The following CERT1 variants were observed in gnomAD, a reference collection of about 807,000 sequenced individuals.
CERT1 encodes ceramide transfer protein.
A neutral mutation model predicts 87.9 loss-of-function variants in CERT1; 31 were observed. The ratio of observed to expected loss-of-function variants is 0.35; its 90% CI spans 0.27 to 0.48. The LOEUF (loss-of-function observed/expected upper bound fraction) is 0.48. Ranked by LOEUF, CERT1 falls within the 20% of genes least tolerant of loss-of-function variation. The pLI is 0.99. For synonymous variants in CERT1, 289 were observed against 250.9 expected (o/e 1.15, Z -1.44); for missense variants, 487 against 758.0 (o/e 0.64, Z 4.20).
chr5:75,450,702 C>T (rs962595230), intron 3 of CERT1, among the ~76,000 whole-genome samples: 1 of 152,150 alleles, frequency 6.6e-6, no homozygotes, highest in African/African-American at 2.4e-5. Flanking sequence ...TTAACCCAGC[C>T]ACTTCTTTCT....
At chr5:75,497,289 C>T (rs888233303) in intron 2 of CERT1, among the ~76,000 whole-genome samples, 1 of 152,156 alleles carries the variant, frequency 6.6e-6, no homozygotes, top group African/African-American at 2.4e-5. Context: ...CCAACATAAA[C>T]ATTTCACAAA....
chr5:75,392,249 C>T (rs1184692246), intron 11 of CERT1, among the ~76,000 whole-genome samples: 2 of 152,124 alleles, frequency 1.3e-5, no homozygotes, highest in Non-Finnish European at 2.9e-5. Context: ...ACGAGGGAGG[C>T]CCAGGTTCAA....
chr5:75,445,660 T>A (rs1001588547), intron 3 of CERT1, among the ~76,000 whole-genome samples: 1 of 152,000 alleles, frequency 6.6e-6, no homozygotes, highest in African/African-American at 2.4e-5. Context: ...TTGTCAGACA[T>A]AGGATTGGGT....
At chr5:75,487,516 G>T (rs543048173) in intron 2 of CERT1, among the ~76,000 whole-genome samples, 1 of 151,986 alleles carries the variant, frequency 6.6e-6, no homozygotes, top group East Asian at 1.9e-4. Flanking sequence ...TACAGATAAA[G>T]AAATAATCAA....
intron 8 of CERT1, among the ~76,000 whole-genome samples, chr5:75,406,962 A>C (rs1762730195): frequency 6.6e-6 from 1 of 152,124 alleles, no homozygotes; most frequent in African/African-American, 2.4e-5. Context: ...TCTGATTATA[A>C]CCAAAAAGAG....
At chr5:75,511,715 G>A (rs1290101410), upstream of CERT1, 14 of 1,545,802 alleles carry the variant, frequency 9.1e-6, no homozygotes, top group Non-Finnish European at 1.2e-5. Flanking sequence ...CCCGGCGTCT[G>A]ACGCGACACG....
chr5:75,457,926 GGT>G (rs1234118888), intron 3 of CERT1, among the ~76,000 whole-genome samples: 10 of 146,112 alleles, frequency 6.8e-5, no homozygotes, highest in Non-Finnish European at 9.0e-5. Flanking sequence ...GTGTGTGTGT[GGT>G]GTGTGTGTGT....
chr5:75,511,009 G>C (rs911246289), intron 1 of CERT1, 103 bp downstream of exon 1: 8 of 1,392,300 alleles, frequency 5.7e-6, no homozygotes, highest in Non-Finnish European at 7.5e-6. Flanking sequence ...CTCGCACCCC[G>C]GCACGTTCCG....
At chr5:75,442,709 T>G (rs1764374168) in intron 3 of CERT1, among the ~76,000 whole-genome samples, 1 of 152,192 alleles carries the variant, frequency 6.6e-6, no homozygotes, top group Admixed American at 6.5e-5. Context: ...GTGGAAATTC[T>G]GATCCAAAAA....
chr5:75,452,957 A>G (rs968922420), intron 3 of CERT1, among the ~76,000 whole-genome samples: 1 of 152,222 alleles, frequency 6.6e-6, no homozygotes, highest in Non-Finnish European at 1.5e-5. Context: ...TCTGGTATAC[A>G]TATGTCCTTT....
intron 2 of CERT1, among the ~76,000 whole-genome samples, chr5:75,459,697 G>A (rs1403858782): frequency 6.6e-6 from 1 of 152,032 alleles, no homozygotes; most frequent in Non-Finnish European, 1.5e-5. Context: ...GGGCACGGTG[G>A]CTCATGCATG....
At chr5:75,492,588 G>C (rs1334169610) in intron 2 of CERT1, among the ~76,000 whole-genome samples, 2 of 152,246 alleles carry the variant, frequency 1.3e-5, no homozygotes, top group African/African-American at 2.4e-5. Context: ...TTGGTATAAG[G>C]CATGTTCATA....
chr5:75,457,260 A>T, intron 3 of CERT1, among the ~76,000 whole-genome samples: 1 of 152,204 alleles, frequency 6.6e-6, no homozygotes, highest in East Asian at 1.9e-4. Context: ...TAAATGGGGA[A>T]ATACATCAGT....
chr5:75,450,393 A>C (rs1206495145), intron 3 of CERT1, among the ~76,000 whole-genome samples: 1 of 152,212 alleles, frequency 6.6e-6, no homozygotes, highest in Non-Finnish European at 1.5e-5. Flanking sequence ...ACTCTAGTAT[A>C]ACAGCACATG....
At chr5:75,403,090 T>G (rs1762563480) in intron 8 of CERT1, 32 bp from the exon 9 acceptor site, 1 of 1,458,672 alleles carries the variant, frequency 6.9e-7, no homozygotes, top group Non-Finnish European at 9.5e-7. Flanking sequence ...AAAAAAGCAG[T>G]TTATTTAAAG....
At chr5:75,468,939 G>A (rs1238335353) in intron 2 of CERT1, among the ~76,000 whole-genome samples, 1 of 152,136 alleles carries the variant, frequency 6.6e-6, no homozygotes, top group Non-Finnish European at 1.5e-5. Flanking sequence ...TTATCAAACA[G>A]ACAAAATAAA....
chr5:75,445,878 TTC>T (rs1378435328), intron 3 of CERT1, among the ~76,000 whole-genome samples: 20 of 152,186 alleles, frequency 1.3e-4, no homozygotes, highest in Admixed American at 3.3e-4. Context: ...CTTCTAAAGT[TTC>T]TGACAAGAAA....
At chr5:75,372,812 T>C (rs974511910), downstream of CERT1, 2 of 152,236 alleles carry the variant, frequency 1.3e-5, no homozygotes, top group Admixed American at 1.3e-4. Flanking sequence ...ACATGTTCCA[T>C]GTAACATGAT....
At chr5:75,429,478 T>C (rs942023772) in intron 3 of CERT1, among the ~76,000 whole-genome samples, 1 of 152,100 alleles carries the variant, frequency 6.6e-6, no homozygotes, top group African/African-American at 2.4e-5. Flanking sequence ...GCTGGGCTTA[T>C]AGGCGTGAGC....
Sources: gnomAD v4.1 joint callset for allele counts (sites outside exome capture counted in the v4.1 genomes callset) on GRCh38, gnomAD v4.1.1 for gene constraint, MANE v1.5 for transcripts, NCBI Gene and HGNC (gene_info 2026-07-23, HGNC 2026-07-21) for gene names.